RBFOX1: variants seen among roughly 807,000 people sequenced by gnomAD.
RBFOX1 encodes RNA binding protein fox-1 homolog 1.
RBFOX1 carries 8 observed loss-of-function variants against 57.7 expected under a neutral mutation model. The ratio of observed to expected loss-of-function variants is 0.14; its 90% CI spans 0.08 to 0.25. The LOEUF (loss-of-function observed/expected upper bound fraction) is 0.25. Ranked by LOEUF, RBFOX1 falls within the 10% of genes least tolerant of loss-of-function variation. RBFOX1 has a pLI of 1.00. For missense variants in RBFOX1, 611 were observed against 548.5 expected, an observed-to-expected ratio of 1.11 and a Z score of -1.14; for synonymous variants, 326 against 222.4, an observed-to-expected ratio of 1.47 and a Z score of -4.15.
At chr16:6,863,752 T>TTTTTTTTTTTTTTA (rs2059425841) in intron 3 of RBFOX1, among the ~76,000 whole-genome samples, 3 of 119,942 alleles carry the variant, frequency 2.5e-5, no homozygotes, top group Admixed American at 8.8e-5. Flanking sequence ...TTTTTTTTTT[T>TTTTTTTTTTTTTTA]ACCAAAACCA....
intron 3 of RBFOX1, among the ~76,000 whole-genome samples, chr16:5,728,935 T>TGA (rs1443879463): frequency 1.3e-5 from 2 of 152,180 alleles, no homozygotes; most frequent in East Asian, 3.9e-4. Flanking sequence ...CAACCTCAAC[T>TGA]GATAGTGACA....
chr16:7,623,177 C>A (rs931110113), intron 10 of RBFOX1, among the ~76,000 whole-genome samples: 1 of 152,158 alleles, frequency 6.6e-6, no homozygotes, highest in African/African-American at 2.4e-5. Context: ...GTATCACAGA[C>A]TGGATGGCTT....
At chr16:6,755,506 T>G (rs2075648781) in intron 3 of RBFOX1, among the ~76,000 whole-genome samples, 2 of 152,306 alleles carry the variant, frequency 1.3e-5, no homozygotes, top group South Asian at 4.1e-4. Context: ...GTCTCCTGTT[T>G]TAATGCCAAG....
chr16:6,863,684 GA>G (rs2059399643), intron 3 of RBFOX1, among the ~76,000 whole-genome samples: 1 of 49,380 alleles, frequency 2.0e-5, no homozygotes, highest in African/African-American at 8.5e-5. Flanking sequence ...AAAAAAAAAA[GA>G]AAAAAAGAAA....
chr16:7,629,463 G>T (rs1160732875), intron 10 of RBFOX1, among the ~76,000 whole-genome samples: 1 of 152,108 alleles, frequency 6.6e-6, no homozygotes, highest in Non-Finnish European at 1.5e-5. Context: ...TCCCGTTGCG[G>T]TCCTGACAGG....
At chr16:5,393,703 A>C (rs2151424239) in intron 1 of RBFOX1, among the ~76,000 whole-genome samples, 1 of 152,240 alleles carries the variant, frequency 6.6e-6, no homozygotes, top group Admixed American at 6.5e-5. Context: ...AAAGGTGGTA[A>C]AATATATGTA....
chr16:5,306,254 G>A (rs1460101653), intron 1 of RBFOX1, among the ~76,000 whole-genome samples: 1 of 152,184 alleles, frequency 6.6e-6, no homozygotes, highest in East Asian at 1.9e-4. Flanking sequence ...AGAACCTTCA[G>A]TGATTTGGAT....
At chr16:7,321,131 T>TATACA (rs1568198362) in intron 4 of RBFOX1, among the ~76,000 whole-genome samples, 271 of 25,120 alleles carry the variant, frequency 0.011, no homozygotes, top group South Asian at 0.039. Flanking sequence ...ATACATATAC[T>TATACA]TATACTTATA....
At chr16:5,618,617 G>A (rs867509516) in intron 3 of RBFOX1, among the ~76,000 whole-genome samples, 7 of 152,336 alleles carry the variant, frequency 4.6e-5, no homozygotes, top group African/African-American at 1.4e-4. Context: ...GATCACAGGC[G>A]TGAGCCATCG....
At chr16:6,394,152 G>T (rs1411755505) in intron 2 of RBFOX1, among the ~76,000 whole-genome samples, 1 of 152,166 alleles carries the variant, frequency 6.6e-6, no homozygotes, top group African/African-American at 2.4e-5. Context: ...AGCCCTGAAT[G>T]CAAAAATATG....
chr16:5,395,815 T>C (rs1412366547), intron 1 of RBFOX1, among the ~76,000 whole-genome samples: 1 of 152,212 alleles, frequency 6.6e-6, no homozygotes, highest in African/African-American at 2.4e-5. Flanking sequence ...ATGCGGCCAT[T>C]TGGGAGAAGC....
intron 3 of RBFOX1, among the ~76,000 whole-genome samples, chr16:6,714,504 C>T (rs778783640): frequency 2.0e-5 from 3 of 152,102 alleles, no homozygotes; most frequent in Admixed American, 6.5e-5. Context: ...TATTATCCTA[C>T]CCAAGGGCAG....
intron 5 of RBFOX1, among the ~76,000 whole-genome samples, chr16:7,568,433 A>G (rs912183363): frequency 2.0e-5 from 3 of 152,016 alleles, no homozygotes; most frequent in African/African-American, 7.3e-5. Flanking sequence ...AGGCTAATGC[A>G]TTGTGATTAG....
At chr16:7,647,371 A>C (rs1213561314) in intron 11 of RBFOX1, among the ~76,000 whole-genome samples, 1 of 152,156 alleles carries the variant, frequency 6.6e-6, no homozygotes, top group Non-Finnish European at 1.5e-5. Context: ...TCTTTGATTC[A>C]TGCTGGATAA....
At chr16:6,555,573 G>T (rs188661895) in intron 2 of RBFOX1, among the ~76,000 whole-genome samples, 2,589 of 152,064 alleles carry the variant, frequency 0.017, 90 homozygotes, top group African/African-American at 0.059. Context: ...GGTGGCGGGC[G>T]CCTGTAGTCC....
intron 3 of RBFOX1, among the ~76,000 whole-genome samples, chr16:6,722,225 C>T (rs553664056): frequency 6.6e-6 from 1 of 152,220 alleles, no homozygotes; most frequent in African/African-American, 2.4e-5. Context: ...GAACCACTAT[C>T]CTGTTTTCCA....
chr16:5,454,898 CTTTCTTTCTT>C (rs2068555502), intron 1 of RBFOX1, among the ~76,000 whole-genome samples: 1 of 66,530 alleles, frequency 1.5e-5, no homozygotes, highest in Admixed American at 1.5e-4. Flanking sequence ...TTCTTTCTTT[CTTTCTTTCTT>C]TCTTTCCTTT....
intron 3 of RBFOX1, among the ~76,000 whole-genome samples, chr16:5,740,921 T>G (rs1053521242): frequency 6.6e-6 from 1 of 152,280 alleles, no homozygotes; most frequent in South Asian, 2.1e-4. Context: ...TGTACTACCC[T>G]GGAGTGAGGA....
chr16:5,627,036 A>T (rs1204058757), intron 3 of RBFOX1, among the ~76,000 whole-genome samples: 6 of 152,150 alleles, frequency 3.9e-5, no homozygotes, highest in Non-Finnish European at 7.4e-5. Flanking sequence ...AATTACTTTT[A>T]TGTGAATTAG....
Sources: allele counts gnomAD v4.1 joint callset (sites outside exome capture counted in the v4.1 genomes callset), GRCh38; gene constraint gnomAD v4.1.1; transcripts MANE v1.5; gene names NCBI Gene and HGNC (gene_info 2026-07-23, HGNC 2026-07-21).